The following SATB2 variants were observed in gnomAD, a reference collection of about 807,000 sequenced individuals.
SATB2 encodes DNA-binding protein SATB2.
Under a neutral mutation model 73.4 loss-of-function variants are expected in SATB2, and 1 was observed. The ratio of observed to expected loss-of-function variants is 0.01; its 90% confidence interval spans 0.00 to 0.06. SATB2 has a LOEUF of 0.06. Ranked by LOEUF, SATB2 falls within the 10% of genes least tolerant of loss-of-function variation. The pLI is 1.00. For missense variants in SATB2, 459 were observed against 945.8 expected (o/e 0.49, Z 6.75); for synonymous variants, 397 against 367.0 (o/e 1.08, Z -0.93).
intron 7 of SATB2, among the ~76,000 whole-genome samples, chr2:199,339,499 T>C (rs2105810671): frequency 6.6e-6 from 1 of 152,342 alleles, no homozygotes; most frequent in South Asian, 2.1e-4. Context: ...AACGGGTTCA[T>C]GCTTGATCTG....
intron 3 of SATB2, among the ~76,000 whole-genome samples, chr2:199,407,624 G>A (rs988160266): frequency 3.9e-5 from 6 of 152,098 alleles, no homozygotes; most frequent in Non-Finnish European, 7.4e-5. Context: ...AAACTATAAA[G>A]AAAGTGGAGG....
At chr2:199,444,074 G>C (rs1470227800) in intron 2 of SATB2, among the ~76,000 whole-genome samples, 2 of 151,996 alleles carry the variant, frequency 1.3e-5, no homozygotes, top group African/African-American at 2.4e-5. Flanking sequence ...CAGAAAAACA[G>C]AACAGAGAAA....
At chr2:199,399,510 G>A (rs1690405653) in intron 3 of SATB2, among the ~76,000 whole-genome samples, 1 of 152,234 alleles carries the variant, frequency 6.6e-6, no homozygotes, top group Non-Finnish European at 1.5e-5. Flanking sequence ...TACAATATAT[G>A]TATTAGTCTG....
chr2:199,369,560 A>C (rs2105851017), intron 5 of SATB2, among the ~76,000 whole-genome samples: 1 of 152,302 alleles, frequency 6.6e-6, no homozygotes, highest in Admixed American at 6.5e-5. Context: ...TTTTATACAT[A>C]GATTTTATTT....
intron 3 of SATB2, among the ~76,000 whole-genome samples, chr2:199,425,591 C>T (rs1230360730): frequency 6.6e-6 from 1 of 152,142 alleles, no homozygotes; most frequent in Non-Finnish European, 1.5e-5. Flanking sequence ...ACCTAGTCAA[C>T]TGCTAGGTAT....
At chr2:199,405,731 T>C (rs1035259062) in intron 3 of SATB2, among the ~76,000 whole-genome samples, 3 of 152,002 alleles carry the variant, frequency 2.0e-5, no homozygotes, top group Non-Finnish European at 2.9e-5. Context: ...CAATTATTCA[T>C]GGTAAAGAAA....
intron 10 of SATB2, among the ~76,000 whole-genome samples, chr2:199,281,682 A>G (rs1355917892): frequency 1.3e-5 from 2 of 152,046 alleles, no homozygotes; most frequent in Non-Finnish European, 2.9e-5. Context: ...TTTCAAAATC[A>G]GCATTAAGGA....
intron 2 of SATB2, among the ~76,000 whole-genome samples, chr2:199,445,039 A>C (rs1168464958): frequency 6.6e-6 from 1 of 152,210 alleles, no homozygotes; most frequent in African/African-American, 2.4e-5. Flanking sequence ...CAAGCTATAC[A>C]TCAATCTTCA....
chr2:199,389,105 T>C (rs1157323270), intron 3 of SATB2, among the ~76,000 whole-genome samples: 2 of 152,128 alleles, frequency 1.3e-5, no homozygotes, highest in Non-Finnish European at 2.9e-5. Context: ...TGGTATATCA[T>C]CAAATTGTAG....
In SATB2 at chr2:199,433,479, A is replaced by G. The variant is rs745323861; in HGVS notation, c.205T>C (p.Leu69=). ...MIPVFCVVEQ[L]DGSLEYDNRE... is the part of the protein sequence containing the mutation. ...TTGTCATATTCAAGAGAGCCGTCCA[A>G]CTGCTCCACGACACAAAAGACAGGA... The change falls in exon 3 of 11, where the codon TTG becomes CTG. Residue 69 remains leucine, a synonymous_variant. Coordinates refer to ENST00000417098, the MANE Select transcript of SATB2 (RefSeq NM_001172509.2). The G allele has an allele frequency of 5.6e-6, 9 of 1,614,204 alleles. No homozygotes were observed. Among genetic ancestry groups the G allele is most frequent in the African/African-American group, 4.0e-5 (3 of 75,064 alleles).
At chr2:199,412,093 C>G (rs1427821645) in intron 3 of SATB2, among the ~76,000 whole-genome samples, 1 of 152,050 alleles carries the variant, frequency 6.6e-6, no homozygotes, top group Non-Finnish European at 1.5e-5. Flanking sequence ...AAAAGGAAGA[C>G]CAGAGCCTGA....
chr2:199,342,145 C>G (rs1056843516), intron 7 of SATB2, among the ~76,000 whole-genome samples: 1 of 152,098 alleles, frequency 6.6e-6, no homozygotes, highest in African/African-American at 2.4e-5. Context: ...CGCAGGCTTT[C>G]AGAAGTAAAA....
At chr2:199,426,707 AAAAAG>A (rs1553503415) in intron 3 of SATB2, among the ~76,000 whole-genome samples, 2,290 of 127,652 alleles carry the variant, frequency 0.018, 48 homozygotes, top group African/African-American at 0.058. Context: ...AAAAAAAAAA[AAAAAG>A]AAAAGAAAAG....
chr2:199,418,628 G>A (rs376622484), intron 3 of SATB2, among the ~76,000 whole-genome samples: 4 of 151,820 alleles, frequency 2.6e-5, no homozygotes, highest in Admixed American at 2.0e-4. Context: ...TGAACAATTC[G>A]ATTTGTTTGA....
chr2:199,344,240 C>T (rs543193623), intron 7 of SATB2, among the ~76,000 whole-genome samples: 95 of 152,020 alleles, frequency 6.2e-4, no homozygotes, highest in Non-Finnish European at 1.1e-3. Flanking sequence ...GACAGATGAA[C>T]GAACACACAC....
chr2:199,429,005 C>CAAAA (rs575684723), intron 3 of SATB2, among the ~76,000 whole-genome samples: 25 of 61,868 alleles, frequency 4.0e-4, no homozygotes, highest in South Asian at 1.2e-3. Context: ...GACTCTGTCT[C>CAAAA]AAAAAAAAAA....
intron 3 of SATB2, among the ~76,000 whole-genome samples, chr2:199,403,050 G>GA (rs1355924701): frequency 6.6e-6 from 1 of 152,170 alleles, no homozygotes; most frequent in African/African-American, 2.4e-5. Flanking sequence ...GATCAATCAT[G>GA]AATTTGTCAA....
chr2:199,465,558 A>G (rs1191040264), upstream of SATB2, among the ~76,000 whole-genome samples: 1 of 152,210 alleles, frequency 6.6e-6, no homozygotes, highest in Non-Finnish European at 1.5e-5. Context: ...GAATTTTTCC[A>G]CCTGGGAACC....
intron 3 of SATB2, among the ~76,000 whole-genome samples, chr2:199,395,550 T>C (rs1559028276): frequency 6.6e-6 from 1 of 152,194 alleles, no homozygotes; most frequent in Non-Finnish European, 1.5e-5. Context: ...GCTAGCCTGG[T>C]GTCTGACACT....
Sources: gnomAD v4.1 joint callset for allele counts (sites outside exome capture counted in the v4.1 genomes callset) on GRCh38, gnomAD v4.1.1 for gene constraint, MANE v1.5 for transcripts, NCBI Gene and HGNC (gene_info 2026-07-23, HGNC 2026-07-21) for gene names.